Variants in PAPPA observed in about 807,000 individuals in gnomAD.
PAPPA encodes the protein pappalysin-1.
A neutral mutation model predicts 164.0 loss-of-function variants in PAPPA; 60 were observed. That is an observed-to-expected ratio of 0.37 (90% confidence interval 0.30 to 0.45). The LOEUF (loss-of-function observed/expected upper bound fraction) is 0.45, where lower values mean the gene tolerates loss of function less well. PAPPA is among the 20% of genes least tolerant of loss of function. The probability of loss-of-function intolerance (pLI) is 1.00; values close to 1 mark genes in which losing one functional copy is unlikely to be tolerated. For missense variants in PAPPA, 1,782 were observed against 2,087.3 expected, an observed-to-expected ratio of 0.85 and a Z score of 2.85; for synonymous variants, 875 against 814.1, an observed-to-expected ratio of 1.07 and a Z score of -1.27.
At chr9:116,276,244 G>A (rs1165572671) in intron 9 of PAPPA, among the ~76,000 whole-genome samples, 4 of 152,328 alleles carry the variant, frequency 2.6e-5, no homozygotes, top group Middle Eastern at 3.4e-3. Context: ...TGGGATAATA[G>A]TCAAATTAGT....
At chr9:116,217,652 TAC>T (rs35760438) in intron 4 of PAPPA, among the ~76,000 whole-genome samples, 68,948 of 151,674 alleles carry the variant, frequency 0.45, 16,119 homozygotes, top group Non-Finnish European at 0.49. Context: ...CACGCAAGCA[TAC>T]ACACACACAC....
At chr9:116,384,303 A>AT (rs1564251115) in intron 21 of PAPPA, among the ~76,000 whole-genome samples, 4 of 149,388 alleles carry the variant, frequency 2.7e-5, no homozygotes, top group African/African-American at 7.3e-5. Flanking sequence ...AATAATAATA[A>AT]AGTAGCCAGG....
intron 21 of PAPPA, among the ~76,000 whole-genome samples, chr9:116,384,662 C>T (rs779707897): frequency 6.6e-6 from 1 of 152,076 alleles, no homozygotes; most frequent in Non-Finnish European, 1.5e-5. Context: ...ACTTTTATAG[C>T]TCTAATTATT....
intron 17 of PAPPA, among the ~76,000 whole-genome samples, chr9:116,360,297 A>G (rs1846408262): frequency 6.6e-6 from 1 of 152,050 alleles, no homozygotes; most frequent in Non-Finnish European, 1.5e-5. Context: ...AGCCACATGA[A>G]GCTGCGTAAG....
intron 10 of PAPPA, among the ~76,000 whole-genome samples, chr9:116,309,921 C>G (rs567406634): frequency 6.6e-6 from 1 of 152,160 alleles, no homozygotes; most frequent in Non-Finnish European, 1.5e-5. Flanking sequence ...GATTTCAGAA[C>G]AACCCTGCTG....
intron 5 of PAPPA, among the ~76,000 whole-genome samples, chr9:116,226,380 C>T (rs184171180): frequency 2.5e-4 from 38 of 152,230 alleles, no homozygotes; most frequent in Admixed American, 3.3e-4. Context: ...GCATAGTGAA[C>T]GTCCCTGTGA....
rs2118747929 is a variant in PAPPA at position 116,398,945 on chromosome 9, T to C, written c.*2329T>C. 1 of 326,934 alleles carries C rather than the reference T, an allele frequency of 3.1e-6. No homozygotes were observed. Among genetic ancestry groups the C allele is most frequent in the East Asian group, 8.1e-5 (1 of 12,302 alleles). 20.3% of individuals were successfully genotyped at this position (326,934 alleles called of 1,614,324 possible). On this transcript the variant is annotated 3_prime_UTR_variant, in exon 22 of 22. Transcript: ENST00000328252. Reference sequence around the variant, plus strand: ...TCTCTCTTGCCCTGAGTTATCAGCCTGTGTGGTGTTAACTACCTTAGAAGG... The same window carrying C: ...TCTCTCTTGCCCTGAGTTATCAGCCCGTGTGGTGTTAACTACCTTAGAAGG...
chr9:116,329,035 T>C (rs1026237201), intron 10 of PAPPA, among the ~76,000 whole-genome samples: 1 of 152,224 alleles, frequency 6.6e-6, no homozygotes, highest in Non-Finnish European at 1.5e-5. Context: ...TAGTGTCTCA[T>C]TATTATAAAG....
chr9:116,294,986 A>T (rs1172955484), intron 9 of PAPPA, among the ~76,000 whole-genome samples: 2 of 152,222 alleles, frequency 1.3e-5, no homozygotes, highest in African/African-American at 4.8e-5. Flanking sequence ...GGTTCATTTC[A>T]GAAGAGTGCA....
chr9:116,340,028 C>T (rs1045723366), intron 13 of PAPPA, among the ~76,000 whole-genome samples: 1 of 152,216 alleles, frequency 6.6e-6, no homozygotes, highest in East Asian at 1.9e-4. Context: ...GGGACCTCCA[C>T]TTTTGCCCAG....
intron 5 of PAPPA, among the ~76,000 whole-genome samples, chr9:116,224,658 A>G (rs1406144423): frequency 6.6e-6 from 1 of 152,228 alleles, no homozygotes; most frequent in Non-Finnish European, 1.5e-5. Context: ...TACTAAGATT[A>G]TAGCCATTAG....
At chr9:116,169,564 C>T (rs946030671) in intron 1 of PAPPA, among the ~76,000 whole-genome samples, 4 of 151,584 alleles carry the variant, frequency 2.6e-5, no homozygotes, top group African/African-American at 9.7e-5. Context: ...AGGTGATCCG[C>T]CCACCTTGGC....
chr9:116,296,811 G>A (rs1229176143), intron 9 of PAPPA, among the ~76,000 whole-genome samples: 1 of 151,990 alleles, frequency 6.6e-6, no homozygotes, highest in Non-Finnish European at 1.5e-5. Flanking sequence ...GGATGGTCTT[G>A]TATGCCAAGC....
At chr9:116,264,287 T>C (rs985308553) in intron 7 of PAPPA, among the ~76,000 whole-genome samples, 2 of 152,016 alleles carry the variant, frequency 1.3e-5, no homozygotes, top group Non-Finnish European at 2.9e-5. Context: ...GGATTCGAGG[T>C]TTACAAAACA....
intron 21 of PAPPA, 103 bp downstream of exon 21, chr9:116,382,596 G>A (rs915232294): frequency 1.3e-6 from 1 of 768,226 alleles, no homozygotes; most frequent in Non-Finnish European, 2.4e-6. Flanking sequence ...TCCTAACTCT[G>A]CCAGCACTGT....
In PAPPA at chr9:116,400,700, T is replaced by C. The variant is rs1019032801; in HGVS notation, c.*4084T>C. On this transcript the variant is annotated 3_prime_UTR_variant, in exon 22 of 22. Coordinates refer to ENST00000328252, the MANE Select transcript of PAPPA (RefSeq NM_002581.5). ...GTAAACAAGAAACATAAAAACCAAA[T>C]AGCAAATGAATAAAAGCCTGTTCTT... The C allele has an allele frequency of 1.3e-5, 2 of 152,156 alleles. No homozygotes were observed. The highest frequency in any genetic ancestry group is 2.9e-5 in the Non-Finnish European group (2 of 68,010). The allele number at this position is 152,156 out of a possible 1,614,324, so 9.4% of individuals were successfully genotyped here.
intron 4 of PAPPA, among the ~76,000 whole-genome samples, chr9:116,218,999 A>G (rs1844410049): frequency 6.6e-6 from 1 of 152,166 alleles, no homozygotes; most frequent in African/African-American, 2.4e-5. Context: ...CAGCATGCAC[A>G]CTACCCTGGT....
intron 10 of PAPPA, among the ~76,000 whole-genome samples, chr9:116,311,960 C>T (rs1330136944): frequency 1.3e-5 from 2 of 152,174 alleles, no homozygotes; most frequent in African/African-American, 4.8e-5. Flanking sequence ...CTTTGAATAG[C>T]GAGTCTTCAT....
intron 8 of PAPPA, 106 bp downstream of exon 8, chr9:116,266,091 C>A: frequency 1.0e-6 from 1 of 955,606 alleles, no homozygotes; most frequent in Non-Finnish European, 1.5e-6. Context: ...AGTGCATGAG[C>A]TGTGAGCTAC....
Sources: gnomAD v4.1 joint callset for allele counts (sites outside exome capture counted in the v4.1 genomes callset) on GRCh38, gnomAD v4.1.1 for gene constraint, MANE v1.5 for transcripts, NCBI Gene and HGNC (gene_info 2026-07-23, HGNC 2026-07-21) for gene names.